The following TAOK2 variants were observed in gnomAD, a reference collection of about 807,000 sequenced individuals.
TAOK2 encodes the protein serine/threonine-protein kinase TAO2.
TAOK2 carries 42 observed loss-of-function variants against 122.5 expected under a neutral mutation model. The ratio of observed to expected loss-of-function variants is 0.34; its 90% CI spans 0.27 to 0.44. The LOEUF is 0.44. Ranked by LOEUF, TAOK2 falls within the 20% of genes least tolerant of loss-of-function variation. TAOK2 has a pLI of 1.00. For synonymous variants in TAOK2, 704 were observed against 677.6 expected, an observed-to-expected ratio of 1.04 and a Z score of -0.61; for missense variants, 1,264 against 1,644.9, an observed-to-expected ratio of 0.77 and a Z score of 4.01.
Position 29,986,553 on chromosome 16 carries a change from G to T in TAOK2, c.2281G>T (p.Ala761Ser), listed in dbSNP as rs1299265690. 3.7e-6 allele frequency: 6 copies of T among 1,613,880 alleles called. No individual in the cohort carries two copies. The highest frequency in any genetic ancestry group is 2.2e-5 in the East Asian group (1 of 44,890). Reference protein sequence around the residue: ...PPGLPLPIPGALGPPNTGTPI... With the variant: ...PPGLPLPIPGSLGPPNTGTPI... The stretch of plus-strand genomic sequence containing the variant: ...GGGCCTTCCACTCCCCATTCCTGGG[G>T]CTCTGGGCCCACCCAACACAGGCAC... Residue 761 changes from alanine to serine, a missense_variant, in exon 16 of 16, where the codon GCT (alanine) becomes TCT (serine). Ala to Ser is a moderately conservative substitution (Grantham distance 99). Around this residue, in one of 4 missense-constraint regions of TAOK2, gnomAD observed 824 missense variants for 908.7 expected, o/e 0.91. Transcript: ENST00000308893. The surrounding 1 kb of genome is among the most constrained non-coding windows in gnomAD (Gnocchi z 4.2).
Position 29,986,834 on chromosome 16 carries a change from T to C in TAOK2, c.2562T>C (p.Leu854=). 6.2e-7 allele frequency: 1 copy of C among 1,613,964 alleles called. No individual in the cohort carries two copies. Among genetic ancestry groups the C allele is most frequent in the Non-Finnish European group, 8.5e-7 (1 of 1,179,944 alleles). ...EEIEELRVPS[L]VPQERSIVGQ... ...TAGAGGAGCTTAGGGTGCCCTCCCT[T>C]GTACCCCAGGAGAGGAGCATTGTTG... The change falls in exon 16 of 16, where the codon CTT becomes CTC. Residue 854 remains leucine (L), a synonymous_variant. Coordinates refer to ENST00000308893, the MANE Select transcript of TAOK2 (RefSeq NM_016151.4). This position sits in a 1 kb window ranked among gnomAD's most constrained non-coding sequence, Gnocchi z 4.2.
chr16:29,981,282 C>A (rs1202090039), intron 8 of TAOK2: 1 of 520,198 alleles, frequency 1.9e-6, no homozygotes, highest in East Asian at 3.1e-5. Context: ...ATCTTTTAGA[C>A]TGGAGGTTCC....
intron 13 of TAOK2, among the ~76,000 whole-genome samples, chr16:29,984,613 G>C (rs2069723055): frequency 6.6e-6 from 1 of 152,092 alleles, no homozygotes; most frequent in South Asian, 2.1e-4. Context: ...GGACTAGTTT[G>C]AGAGCCACTC....
chr16:29,982,827 T>C lies in TAOK2; in HGVS notation c.925T>C (p.Tyr309His). The C allele has an allele frequency of 6.2e-7, 1 of 1,614,014 alleles. No homozygotes were observed. Among genetic ancestry groups the C allele is most frequent in the Non-Finnish European group, 8.5e-7 (1 of 1,179,970 alleles). Reference protein sequence around the residue: ...DAVRELDNLQYRKMKKILFQE... With the variant: ...DAVRELDNLQHRKMKKILFQE... ...CGTGCGGGAGCTGGACAACCTGCAG[T>C]ACCGCAAGATGAAGAAGATCCTGTT... Residue 309 changes from tyrosine (Y) to histidine (H), a missense_variant, in exon 11 of 16, where the codon TAC becomes CAC. Physicochemically the swap from Tyr to His is moderately conservative, Grantham distance 83. Transcript: ENST00000308893.
chr16:29,981,783 C>T (rs199957815), intron 9 of TAOK2, 29 bp downstream of exon 9: 1 of 1,613,326 alleles, frequency 6.2e-7, no homozygotes, highest in African/African-American at 1.3e-5. Flanking sequence ...AATCTGGGCC[C>T]AGGCGTTAGG....
downstream of TAOK2, chr16:29,989,150 T>C: frequency 1.6e-5 from 16 of 985,358 alleles, no homozygotes; most frequent in Non-Finnish European, 1.9e-5. Flanking sequence ...TTCTCGCTTG[T>C]TCTCGTGCAC....
At chr16:29,991,599 C>T (rs1295852752), downstream of TAOK2, 1 of 1,448,966 alleles carries the variant, frequency 6.9e-7, no homozygotes, top group Middle Eastern at 2.3e-4. This position sits in a 1 kb window ranked among gnomAD's most constrained non-coding sequence, Gnocchi z 5.6. Flanking sequence ...ATGAGCTGGG[C>T]AGGGCAGGGG....
At chr16:29,982,978 A>G (rs1015923418) in intron 11 of TAOK2, 77 bp downstream of exon 11, 6 of 1,602,836 alleles carry the variant, frequency 3.7e-6, no homozygotes, top group Non-Finnish European at 4.3e-6. Context: ...CCCCTTCCCC[A>G]GCCCTACTCA....
At chr16:29,988,637 C>T, downstream of TAOK2, 1 of 985,444 alleles carries the variant, frequency 1.0e-6, no homozygotes, top group Non-Finnish European at 1.2e-6. Flanking sequence ...CCACAGAGCG[C>T]CTGTTTGCGG....
intron 8 of TAOK2, 104 bp from the exon 9 acceptor site, chr16:29,981,557 G>A (rs2069615501): frequency 2.0e-6 from 2 of 983,994 alleles, no homozygotes; most frequent in African/African-American, 1.6e-5. Flanking sequence ...ATGTGGCAAG[G>A]AAGTCAAGGA....
chr16:29,990,903 C>G, downstream of TAOK2: 1 of 1,613,616 alleles, frequency 6.2e-7, no homozygotes, highest in Non-Finnish European at 8.5e-7. Flanking sequence ...AGAGCCAGCA[C>G]GAGAGGGAGC....
chr16:29,983,347 C>A lies in TAOK2; in HGVS notation c.1260+15C>A, dbSNP rs1469371199. The A allele has an allele frequency of 6.3e-7, 1 of 1,582,626 alleles. No individual in the cohort carries two copies. The highest frequency in any genetic ancestry group is 1.3e-5 in the African/African-American group (1 of 74,744). On this transcript the variant is annotated intron_variant, in intron 12 of 15. Transcript: ENST00000308893. ...ACCGGCTGCCGGTACACAGCTCACCCTTGGGGGACCCGAGCCACCTGCTCT... is the reference window on the plus strand; with the variant it reads ...ACCGGCTGCCGGTACACAGCTCACCATTGGGGGACCCGAGCCACCTGCTCT...
intron 1 of TAOK2, among the ~76,000 whole-genome samples, chr16:29,975,943 G>T (rs185345209): frequency 5.9e-4 from 90 of 152,312 alleles, no homozygotes; most frequent in Non-Finnish European, 7.9e-4. Flanking sequence ...TTGCAGACGG[G>T]ATGTACTGGT....
At chr16:29,983,772 C>A in intron 13 of TAOK2, 108 bp downstream of exon 13, 1 of 1,481,146 alleles carries the variant, frequency 6.8e-7, no homozygotes, top group Non-Finnish European at 9.1e-7. Flanking sequence ...TGGATTCTAC[C>A]CTCATTTTCT....
chr16:29,991,755 GTGCCTCAAGGC>G (rs2069974262), downstream of TAOK2: 6 of 692,130 alleles, frequency 8.7e-6, no homozygotes, highest in East Asian at 1.7e-4. This position sits in a 1 kb window ranked among gnomAD's most constrained non-coding sequence, Gnocchi z 5.6. Context: ...TTGGCGATAG[GTGCCTCAAGGC>G]TGCCTGGGAG....
chr16:29,991,038 A>G (rs769221905), downstream of TAOK2: 7 of 1,575,884 alleles, frequency 4.4e-6, no homozygotes, highest in Admixed American at 1.2e-4. This position sits in a 1 kb window ranked among gnomAD's most constrained non-coding sequence, Gnocchi z 5.6. Context: ...TCTGTTCCGG[A>G]TGCCCCAGGT....
In TAOK2 at chr16:29,985,915, C is replaced by A. The variant is rs2069775390; in HGVS notation, c.1992+54C>A. The A allele has an allele frequency of 3.2e-6, 5 of 1,563,682 alleles. No individual in the cohort carries two copies. Among genetic ancestry groups the A allele is most frequent in the South Asian group, 2.3e-5 (2 of 86,600 alleles). ...CGCTCACTCGTGGATCCCAGGGACC[C>A]ACCCTTTTCCATTTTCCTCATTCTT... On this transcript the variant is annotated intron_variant, in intron 15 of 15. Coordinates refer to ENST00000308893, the MANE Select transcript of TAOK2 (RefSeq NM_016151.4). The surrounding 1 kb of genome is among the most constrained non-coding windows in gnomAD (Gnocchi z 6.9).
At position 29,986,786 on chromosome 16, in the gene TAOK2, A is replaced by C. The variant is rs771680677; in HGVS notation, c.2514A>C (p.Glu838Asp). ...PQKHGSLVDE[E>D]VWGLPEEIEE... ...AACATGGGAGCCTGGTTGATGAGGA[A>C]GTTTGGGGTCTGCCTGAGGAGATAG... The change falls in exon 16 of 16, where the codon GAA (glutamate) becomes GAC (aspartate). Residue 838 changes from glutamate to aspartate, a missense_variant. Coordinates refer to ENST00000308893, the MANE Select transcript of TAOK2 (RefSeq NM_016151.4). This position sits in a 1 kb window ranked among gnomAD's most constrained non-coding sequence, Gnocchi z 4.2. 6.2e-7 allele frequency: 1 copy of C among 1,613,776 alleles called. No homozygotes were observed. Among genetic ancestry groups the C allele is most frequent in the Admixed American group, 1.7e-5 (1 of 59,978 alleles).
Position 29,988,234 on chromosome 16 carries a change from C to T in TAOK2, c.*254C>T, listed in dbSNP as rs2069877214. 6.9e-6 allele frequency: 10 copies of T among 1,450,072 alleles called. No homozygotes were observed. The highest frequency in any genetic ancestry group is 1.9e-4 in the Middle Eastern group (1 of 5,260). 89.8% of individuals were successfully genotyped at this position (1,450,072 alleles called of 1,614,324 possible). A position where few individuals can be genotyped will look rare whatever the true frequency, so the allele number is the denominator to read the frequency against. On this transcript the variant is annotated 3_prime_UTR_variant, in exon 16 of 16. Transcript: ENST00000308893. ...GCCCGCTGTGTGTGCTCATCCTCAC[C>T]CTCATTGACTCAGGCCTGGGGCCAG...
Sources: gnomAD v4.1 joint callset for allele counts (sites outside exome capture counted in the v4.1 genomes callset) on GRCh38, gnomAD v4.1.1 for gene constraint, gnomAD v4.1.1 regional missense constraint, Gnocchi (gnomAD v3.1) non-coding constraint, MANE v1.5 for transcripts, NCBI Gene and HGNC (gene_info 2026-07-23, HGNC 2026-07-21) for gene names.